The following MYO9A variants were observed in gnomAD, a reference collection of about 807,000 sequenced individuals.
MYO9A encodes the protein unconventional myosin-IXa.
MYO9A carries 103 observed loss-of-function variants against 293.3 expected under a neutral mutation model. The observed-to-expected ratio is 0.35, with a 90% CI of 0.30 to 0.41. MYO9A has a LOEUF of 0.41. MYO9A is among the 10% of genes least tolerant of loss of function. The pLI, the probability that MYO9A is intolerant of heterozygous loss-of-function variation, is 1.00. For synonymous variants in MYO9A, 1,001 were observed against 1,035.7 expected (o/e 0.97, Z 0.64); for missense variants, 2,685 against 3,033.0 (o/e 0.89, Z 2.69).
chr15:71,914,443 C>T (rs1169115517), intron 19 of MYO9A, among the ~76,000 whole-genome samples: 9 of 152,146 alleles, frequency 5.9e-5, no homozygotes, highest in South Asian at 4.1e-4. Flanking sequence ...GGCACAAAGA[C>T]GGCTGGGTGC....
intron 1 of MYO9A, among the ~76,000 whole-genome samples, chr15:72,116,485 T>G (rs2080983134): frequency 6.6e-6 from 1 of 152,208 alleles, no homozygotes; most frequent in Non-Finnish European, 1.5e-5. Context: ...CAGTGAACAC[T>G]GCATGATTTC....
chr15:72,042,183 C>CAA (rs769890860), intron 2 of MYO9A, among the ~76,000 whole-genome samples: 16 of 55,372 alleles, frequency 2.9e-4, no homozygotes, highest in East Asian at 1.2e-3. Flanking sequence ...AGATAGAATG[C>CAA]AAAAAAAAAA....
chr15:71,968,112 T>C lies in MYO9A; in HGVS notation c.1858A>G (p.Thr620Ala). ...AACTTGTCTAGCAATGTTTGATTTG[T>C]AGCCTGTGGAAAGCTGAATTAAAAA... ...LDEESNFPQA[T>A]NQTLLDKFKH... The change falls in exon 13 of 42, where the codon ACA (threonine) becomes GCA (alanine). Residue 620 changes from threonine (T) to alanine (A), a missense_variant. By Grantham distance (58) the Thr-to-Ala change is moderately conservative. Transcript: ENST00000356056. The C allele has an allele frequency of 1.3e-6, 2 of 1,579,894 alleles. No homozygotes were observed. Among genetic ancestry groups the C allele is most frequent in the East Asian group, 2.2e-5 (1 of 44,568 alleles).
At position 71,951,836 on chromosome 15, in the gene MYO9A, T is replaced by C. The variant is rs772414372; in HGVS notation, c.2243A>G (p.Gln748Arg). The C allele has an allele frequency of 2.5e-6, 4 of 1,613,274 alleles. No individual in the cohort carries two copies. The highest frequency in any genetic ancestry group is 3.4e-6 in the Non-Finnish European group (4 of 1,179,834). The change falls in exon 15 of 42, where the codon CAA (glutamine) becomes CGA (arginine). Residue 748 changes from glutamine (Q) to arginine (R), a missense_variant. Gln to Arg is a conservative substitution (Grantham distance 43). Transcript: ENST00000356056. Reference protein sequence around the residue: ...LKSMDSFSFLQHPVHQRSLEI... With the variant: ...LKSMDSFSFLRHPVHQRSLEI... ...TAAGCTCCTCTGGTGGACTGGGTGT[T>C]GGAGAAAGCTAAAACTATCCATACT...
At chr15:72,069,708 T>C (rs186576068) in intron 1 of MYO9A, among the ~76,000 whole-genome samples, 75 of 152,302 alleles carry the variant, frequency 4.9e-4, no homozygotes, top group African/African-American at 1.8e-3. Context: ...ACAGTGACTC[T>C]TTTTTCTCCT....
intron 21 of MYO9A, among the ~76,000 whole-genome samples, chr15:71,903,522 A>G (rs1238052901): frequency 2.0e-5 from 3 of 152,242 alleles, no homozygotes; most frequent in African/African-American, 7.2e-5. Flanking sequence ...TGATACGAGT[A>G]GCTGTGAGCC....
chr15:71,980,234 T>TTTG (rs2076239597), intron 11 of MYO9A, among the ~76,000 whole-genome samples: 7 of 152,186 alleles, frequency 4.6e-5, no homozygotes, highest in Non-Finnish European at 1.0e-4. Context: ...TTGGTGTGCA[T>TTTG]TTATACTTAT....
rs190750118 is a variant in MYO9A at position 72,106,905 on chromosome 15, A to T, written c.-72+10775T>A. Among the ~76,000 whole-genome samples the T allele has an allele frequency of 2.6e-3, 396 of 152,390 alleles. 3 individuals carry two copies. The highest frequency in any genetic ancestry group is 4.6e-3 in the South Asian group (22 of 4,830). Reference sequence around the variant, plus strand: ...ACATAGTACTACTTACAATAGGTACATTCTTAGTAGGATACAGTCTAAGGA... The same window carrying T: ...ACATAGTACTACTTACAATAGGTACTTTCTTAGTAGGATACAGTCTAAGGA... On this transcript the variant is annotated intron_variant, in intron 1 of 41. Coordinates refer to ENST00000356056, the MANE Select transcript of MYO9A (RefSeq NM_006901.4).
At chr15:72,078,644 T>C (rs896022451) in intron 1 of MYO9A, among the ~76,000 whole-genome samples, 1 of 152,152 alleles carries the variant, frequency 6.6e-6, no homozygotes, top group Admixed American at 6.5e-5. Context: ...TGAGAAACTG[T>C]TGCTAAAAAT....
chr15:71,975,375 A>G (rs2076113308), intron 12 of MYO9A, among the ~76,000 whole-genome samples: 2 of 108,706 alleles, frequency 1.8e-5, no homozygotes, highest in Non-Finnish European at 3.7e-5. Context: ...CCTTTGGCCT[A>G]TGACGTGATT....
chr15:72,074,228 G>A (rs2079277110), intron 1 of MYO9A, among the ~76,000 whole-genome samples: 1 of 152,116 alleles, frequency 6.6e-6, no homozygotes, highest in Non-Finnish European at 1.5e-5. Context: ...ATTTGTTCAT[G>A]CTATTAAAAA....
intron 17 of MYO9A, 77 bp downstream of exon 17, chr15:71,935,264 T>C: frequency 7.1e-7 from 1 of 1,411,038 alleles, no homozygotes; most frequent in Non-Finnish European, 9.6e-7. Flanking sequence ...TCCTTCTTCA[T>C]TTTTTTCTGC....
chr15:71,906,865 G>T (rs1259246215), intron 19 of MYO9A, among the ~76,000 whole-genome samples: 1 of 144,088 alleles, frequency 6.9e-6, no homozygotes, highest in African/African-American at 2.5e-5. Flanking sequence ...CCGGGTTCAC[G>T]CCATTCTCCT....
intron 35 of MYO9A, among the ~76,000 whole-genome samples, chr15:71,853,835 A>G (rs983546146): frequency 5.3e-5 from 8 of 152,204 alleles, no homozygotes; most frequent in African/African-American, 1.9e-4. Flanking sequence ...AGGAAAGAGT[A>G]CCCCTTGGAG....
At chr15:71,995,836 T>C (rs2076683057) in intron 9 of MYO9A, among the ~76,000 whole-genome samples, 1 of 152,022 alleles carries the variant, frequency 6.6e-6, no homozygotes, top group Admixed American at 6.6e-5. Context: ...TGGTTATACA[T>C]CTATAAAAAG....
intron 39 of MYO9A, among the ~76,000 whole-genome samples, chr15:71,839,432 A>G (rs1278948983): frequency 6.6e-6 from 1 of 151,504 alleles, no homozygotes; most frequent in Non-Finnish European, 1.5e-5. Context: ...CTTTAAAGAT[A>G]CAGGGTCTTA....
chr15:71,935,594 C>T (rs2058618716), intron 16 of MYO9A, 110 bp from the exon 17 acceptor site: 1 of 1,085,034 alleles, frequency 9.2e-7, no homozygotes, highest in Non-Finnish European at 1.3e-6. Flanking sequence ...GAAAAAAATG[C>T]TAAACCAACC....
intron 18 of MYO9A, among the ~76,000 whole-genome samples, chr15:71,925,437 G>A (rs572458476): frequency 1.1e-4 from 17 of 150,782 alleles, no homozygotes; most frequent in South Asian, 2.1e-4. Context: ...ATATAGATAC[G>A]TATATACATG....
intron 8 of MYO9A, among the ~76,000 whole-genome samples, chr15:72,002,269 C>CA (rs2076889192): frequency 1.4e-5 from 2 of 142,290 alleles, no homozygotes; most frequent in Admixed American, 1.4e-4. Context: ...TTTTTTTAGA[C>CA]AGAGTTTTAC....
Sources: gnomAD v4.1 joint callset for allele counts (sites outside exome capture counted in the v4.1 genomes callset) on GRCh38, gnomAD v4.1.1 for gene constraint, MANE v1.5 for transcripts, NCBI Gene and HGNC (gene_info 2026-07-23, HGNC 2026-07-21) for gene names.